Variants in ITPKB observed in about 807,000 individuals in gnomAD.
The protein encoded by ITPKB is inositol-trisphosphate 3-kinase B.
A neutral mutation model predicts 69.4 loss-of-function variants in ITPKB; 13 were observed. That is an observed-to-expected ratio of 0.19 (90% CI 0.12 to 0.30). The LOEUF is 0.30. Among genes scored for constraint, ITPKB ranks in the 10% least tolerant of loss-of-function variants. The pLI is 1.00. For synonymous variants in ITPKB, 584 were observed against 513.7 expected, an observed-to-expected ratio of 1.14 and a Z score of -1.85; for missense variants, 1,240 against 1,250.5, an observed-to-expected ratio of 0.99 and a Z score of 0.13.
chr1:226,647,096 G>C, intron 4 of ITPKB, 71 bp downstream of exon 4: 1 of 1,432,964 alleles, frequency 7.0e-7, no homozygotes, highest in Non-Finnish European at 9.8e-7. Context: ...GAAGCCCTGA[G>C]TGCCACGCTG....
At chr1:226,725,564 C>T (rs927781103) in intron 2 of ITPKB, among the ~76,000 whole-genome samples, 4 of 152,210 alleles carry the variant, frequency 2.6e-5, no homozygotes, top group African/African-American at 7.2e-5. Flanking sequence ...AAAGTCCATG[C>T]CCCCATTAAG....
At chr1:226,727,474 GT>G (rs1484261564) in intron 2 of ITPKB, among the ~76,000 whole-genome samples, 4 of 152,238 alleles carry the variant, frequency 2.6e-5, no homozygotes, top group African/African-American at 9.6e-5. Context: ...TGGATGGCCA[GT>G]CACCAGGGAA....
At chr1:226,648,805 A>C (rs1393946893) in intron 2 of ITPKB, 34 bp from the exon 3 acceptor site, 1 of 1,357,378 alleles carries the variant, frequency 7.4e-7, no homozygotes, top group Non-Finnish European at 1.1e-6. Context: ...TCTACATTAG[A>C]AAGACAACCA....
intron 2 of ITPKB, among the ~76,000 whole-genome samples, chr1:226,657,654 G>A (rs1026002280): frequency 1.1e-4 from 16 of 152,182 alleles, no homozygotes; most frequent in African/African-American, 3.9e-4. Context: ...ATACTAATAA[G>A]CTAATAGCTC....
intron 2 of ITPKB, among the ~76,000 whole-genome samples, chr1:226,734,829 C>T (rs113762327): frequency 6.6e-6 from 1 of 152,192 alleles, no homozygotes; most frequent in Admixed American, 6.5e-5. Context: ...GTACCTACTC[C>T]GGAGATAACA....
rs1253286991 is a variant in ITPKB at position 226,633,430 on chromosome 1, C to T, written c.*1241G>A. Reference sequence around the variant, plus strand: ...AGAAGTCAGGCAAATTTTACATTCCCTTCCATATCAGACTCACTGGCTTTC... The same window carrying T: ...AGAAGTCAGGCAAATTTTACATTCCTTTCCATATCAGACTCACTGGCTTTC... On this transcript the variant is annotated 3_prime_UTR_variant, in exon 8 of 8. Transcript: ENST00000429204. 1 of 152,236 alleles carries T rather than the reference C, an allele frequency of 6.6e-6. No homozygotes were observed. Among genetic ancestry groups the T allele is most frequent in the Non-Finnish European group, 1.5e-5 (1 of 68,052 alleles). 9.4% of individuals were successfully genotyped at this position (152,236 alleles called of 1,614,324 possible).
chr1:226,688,967 A>G (rs914431935), intron 2 of ITPKB, among the ~76,000 whole-genome samples: 2 of 152,136 alleles, frequency 1.3e-5, no homozygotes, highest in African/African-American at 4.8e-5. Flanking sequence ...GGCTAGTTCC[A>G]CTAGCTTGGG....
intron 2 of ITPKB, among the ~76,000 whole-genome samples, chr1:226,657,549 C>T (rs1669319108): frequency 6.6e-6 from 1 of 152,124 alleles, no homozygotes; most frequent in South Asian, 2.1e-4. Context: ...GGGAAATGAT[C>T]CCTGGACCCT....
At chr1:226,658,034 A>G (rs1358745627) in intron 2 of ITPKB, among the ~76,000 whole-genome samples, 1 of 152,226 alleles carries the variant, frequency 6.6e-6, no homozygotes, top group African/African-American at 2.4e-5. Context: ...AAAGTGGATG[A>G]AGAACGCCCC....
intron 2 of ITPKB, among the ~76,000 whole-genome samples, chr1:226,717,855 A>C (rs1657132449): frequency 6.6e-6 from 1 of 152,256 alleles, no homozygotes; most frequent in Non-Finnish European, 1.5e-5. Context: ...CCTGAGAGGC[A>C]AAGCCCAAAC....
chr1:226,736,775 C>T lies in ITPKB; in HGVS notation c.684G>A (p.Ser228=), dbSNP rs374589417. The part of the protein sequence containing the change: ...GRKGGPSLCS[S]QVKKGMPPLP... ...GAGGTGGCATTCCTTTCTTCACCTGCGAGGAGCATAGGCTGGGCCCTCCTT... is the reference window on the plus strand; with the variant it reads ...GAGGTGGCATTCCTTTCTTCACCTGTGAGGAGCATAGGCTGGGCCCTCCTT... The change falls in exon 2 of 8, where the codon TCG becomes TCA. Residue 228 remains serine (S), a synonymous_variant. Coordinates refer to ENST00000429204, the MANE Select transcript of ITPKB (RefSeq NM_002221.4). The T allele has an allele frequency of 2.5e-6, 4 of 1,613,082 alleles. No individual in the cohort carries two copies. Among genetic ancestry groups the T allele is most frequent in the Non-Finnish European group, 3.4e-6 (4 of 1,180,008 alleles).
At chr1:226,709,761 G>T (rs982221160) in intron 2 of ITPKB, among the ~76,000 whole-genome samples, 3 of 152,176 alleles carry the variant, frequency 2.0e-5, no homozygotes, top group Non-Finnish European at 4.4e-5. Context: ...CTGCAATTAG[G>T]TTTCCTCACT....
Position 226,718,717 on chromosome 1 carries a change from A to T in ITPKB, c.1932+16810T>A, listed in dbSNP as rs374495554. ...AAGTAGCTACTTAGCTACTAAATAA[A>T]ACGCTGGCAAGGATGTGGAGAAGCT... is the stretch of plus-strand genomic sequence containing the variant. On this transcript the variant is annotated intron_variant, in intron 2 of 7. Coordinates refer to ENST00000429204, the MANE Select transcript of ITPKB (RefSeq NM_002221.4). Among the ~76,000 whole-genome samples, 17 of 152,330 alleles carry T rather than the reference A, an allele frequency of 1.1e-4. No individual in the cohort carries two copies. The East Asian group carries it at 2.5e-3, about 22-fold the overall frequency.
rs1443118265 is a variant in ITPKB at position 226,634,785 on chromosome 1, G to C, written c.2727C>G (p.Thr909=). ...CCTGCCAGGGGACGTCATGCTGCAGGGTCTGGCCCTCAGGCAGGGGCGTGG... is the reference window on the plus strand; with the variant it reads ...CCTGCCAGGGGACGTCATGCTGCAGCGTCTGGCCCTCAGGCAGGGGCGTGG... ...GKTTPLPEGQ[T]LQHDVPWQEG... Residue 909 remains threonine (T), a synonymous_variant, in exon 8 of 8, where the codon ACC becomes ACG. Coordinates refer to ENST00000429204, the MANE Select transcript of ITPKB (RefSeq NM_002221.4). The surrounding 1 kb of genome is among the most constrained non-coding windows in gnomAD (Gnocchi z 6.3). 7.7e-6 allele frequency: 12 copies of C among 1,564,776 alleles called. No homozygotes were observed. The highest frequency in any genetic ancestry group is 1.7e-5 in the Admixed American group (1 of 59,944).
intron 2 of ITPKB, among the ~76,000 whole-genome samples, chr1:226,693,728 G>C (rs1656412541): frequency 6.6e-6 from 1 of 152,234 alleles, no homozygotes. Flanking sequence ...ATAGGAGCCA[G>C]TCCCACGTTT....
At chr1:226,679,743 A>G (rs959281332) in intron 2 of ITPKB, among the ~76,000 whole-genome samples, 1 of 152,208 alleles carries the variant, frequency 6.6e-6, no homozygotes, top group Non-Finnish European at 1.5e-5. Context: ...ATTTCTTTAT[A>G]GTTTTCTGTA....
At chr1:226,673,085 G>A (rs1397275270) in intron 2 of ITPKB, among the ~76,000 whole-genome samples, 1 of 151,896 alleles carries the variant, frequency 6.6e-6, no homozygotes, top group Non-Finnish European at 1.5e-5. Context: ...ATTTAAACAG[G>A]GATGGGCCGG....
Position 226,642,200 on chromosome 1 carries a change from G to A in ITPKB, c.2247-75C>T. The A allele has an allele frequency of 1.6e-6, 2 of 1,269,748 alleles. No homozygotes were observed. The highest frequency in any genetic ancestry group is 1.1e-6 in the Non-Finnish European group (1 of 898,390). 78.7% of individuals were successfully genotyped at this position (1,269,748 alleles called of 1,614,324 possible). On this transcript the variant is annotated intron_variant, in intron 4 of 7. Transcript: ENST00000429204. The surrounding 1 kb of genome is among the most constrained non-coding windows in gnomAD (Gnocchi z 6.4). ...ACCAGCAGCTCCTTTCCTGCCTGGTGGATGAAGGTTTGGGGCGTGTGTTGC... is the reference window on the plus strand; with the variant it reads ...ACCAGCAGCTCCTTTCCTGCCTGGTAGATGAAGGTTTGGGGCGTGTGTTGC...
chr1:226,656,401 G>GC (rs1669290449), intron 2 of ITPKB, among the ~76,000 whole-genome samples: 1 of 152,200 alleles, frequency 6.6e-6, no homozygotes, highest in South Asian at 2.1e-4. Flanking sequence ...CACATTCTGG[G>GC]CAGGTGCGGG....
Sources: gnomAD v4.1 joint callset for allele counts (sites outside exome capture counted in the v4.1 genomes callset) on GRCh38, gnomAD v4.1.1 for gene constraint, Gnocchi (gnomAD v3.1) non-coding constraint, MANE v1.5 for transcripts, NCBI Gene and HGNC (gene_info 2026-07-23, HGNC 2026-07-21) for gene names.